The following UNC5D variants were observed in gnomAD, a reference collection of about 807,000 sequenced individuals.
UNC5D encodes netrin receptor UNC5D.
A neutral mutation model predicts 105.4 loss-of-function variants in UNC5D; 39 were observed. That is an observed-to-expected ratio of 0.37 (90% CI 0.29 to 0.48). The LOEUF is 0.48. Among genes scored for constraint, UNC5D ranks in the 20% least tolerant of loss-of-function variants. The probability of loss-of-function intolerance (pLI) is 0.98; values close to 1 mark genes in which losing one functional copy is unlikely to be tolerated. For missense variants in UNC5D, 991 were observed against 1,202.4 expected, an observed-to-expected ratio of 0.82 and a Z score of 2.60; for synonymous variants, 452 against 450.4, an observed-to-expected ratio of 1.00 and a Z score of -0.04.
Position 35,308,112 on chromosome 8 carries a change from A to ATGTGTGTGTGTG in UNC5D, c.103+72228_103+72229insGTGTGTGTGTGT, listed in dbSNP as rs374542443. Among the ~76,000 whole-genome samples the ATGTGTGTGTGTG allele has an allele frequency of 5.7e-4, 84 of 147,774 alleles. 1 individual carries two copies. The highest frequency in any genetic ancestry group is 2.2e-3 in the South Asian group (10 of 4,558). On this transcript the variant is annotated intron_variant, in intron 1 of 16. Coordinates refer to ENST00000404895, the MANE Select transcript of UNC5D (RefSeq NM_080872.4). ...TATTTTAAGCCTTTTCTATGTCACA[A>ATGTGTGTGTGTG]TGTATGTGTGTGTGTGTGTGTGTGT...
At chr8:35,337,895 T>A (rs1245324026) in intron 1 of UNC5D, among the ~76,000 whole-genome samples, 1 of 152,252 alleles carries the variant, frequency 6.6e-6, no homozygotes, top group Non-Finnish European at 1.5e-5. Flanking sequence ...ATTATTTCAC[T>A]TCTGCATTAT....
At chr8:35,267,851 T>C (rs757531881) in intron 1 of UNC5D, among the ~76,000 whole-genome samples, 2 of 152,092 alleles carry the variant, frequency 1.3e-5, no homozygotes, top group Non-Finnish European at 2.9e-5. Flanking sequence ...GAAAGGAAAA[T>C]TGTTCCAGGT....
intron 2 of UNC5D, among the ~76,000 whole-genome samples, chr8:35,558,374 T>G (rs1816706469): frequency 6.6e-6 from 1 of 152,120 alleles, no homozygotes; most frequent in Admixed American, 6.6e-5. Flanking sequence ...TAACACAATG[T>G]TAAGATAAAA....
At chr8:35,555,012 T>C (rs1816435948) in intron 2 of UNC5D, among the ~76,000 whole-genome samples, 1 of 152,190 alleles carries the variant, frequency 6.6e-6, no homozygotes, top group South Asian at 2.1e-4. Flanking sequence ...AGAATGTTGC[T>C]CTGCTGGTAA....
chr8:35,603,058 T>C (rs1384868100), intron 4 of UNC5D, among the ~76,000 whole-genome samples: 1 of 152,134 alleles, frequency 6.6e-6, no homozygotes, highest in East Asian at 1.9e-4. Context: ...AGTTCTGCTC[T>C]GATCTTAGTT....
chr8:35,686,731 C>T, intron 7 of UNC5D, 22 bp downstream of exon 7: 1 of 1,549,424 alleles, frequency 6.5e-7, no homozygotes, highest in East Asian at 2.4e-5. Context: ...GCTTTAACAT[C>T]TTCAGTGTTT....
At chr8:35,345,550 T>G (rs1811745710) in intron 1 of UNC5D, among the ~76,000 whole-genome samples, 1 of 152,046 alleles carries the variant, frequency 6.6e-6, no homozygotes, top group Non-Finnish European at 1.5e-5. Flanking sequence ...GGGATTTCTT[T>G]TATTCACTAA....
intron 3 of UNC5D, among the ~76,000 whole-genome samples, chr8:35,574,007 T>C (rs1817929045): frequency 6.6e-6 from 1 of 152,226 alleles, no homozygotes; most frequent in Non-Finnish European, 1.5e-5. Flanking sequence ...TCCTCTCGTT[T>C]GTCTGGTTCA....
Position 35,687,535 on chromosome 8 carries a change from A to C in UNC5D, c.1084+826A>C, listed in dbSNP as rs370294625. On this transcript the variant is annotated intron_variant, in intron 7 of 16. Coordinates refer to ENST00000404895, the MANE Select transcript of UNC5D (RefSeq NM_080872.4). ...ATCACAGTGGTCTGGCAGAGTAGCA[A>C]GTAGAATGTTTGTTTCAAAATTCCC... Among the ~76,000 whole-genome samples the C allele has an allele frequency of 5.1e-4, 78 of 152,212 alleles. 1 individual carries two copies. The Middle Eastern group carries it at 0.017, about 33-fold the overall frequency.
intron 10 of UNC5D, among the ~76,000 whole-genome samples, chr8:35,730,566 C>A (rs1324002326): frequency 6.6e-6 from 1 of 152,076 alleles, no homozygotes; most frequent in East Asian, 1.9e-4. Context: ...ATCCTGGGTT[C>A]TAGCACAGTA....
intron 11 of UNC5D, among the ~76,000 whole-genome samples, chr8:35,737,875 G>C (rs1036602943): frequency 6.6e-6 from 1 of 152,170 alleles, no homozygotes; most frequent in Non-Finnish European, 1.5e-5. Flanking sequence ...GGGAGGCCGA[G>C]GTGGGTGGAT....
intron 1 of UNC5D, among the ~76,000 whole-genome samples, chr8:35,319,598 A>G (rs1809569021): frequency 6.6e-6 from 1 of 152,142 alleles, no homozygotes; most frequent in Non-Finnish European, 1.5e-5. Context: ...ATTGGTGGTT[A>G]GCAAAGAGAA....
chr8:35,292,860 G>A (rs1373713475), intron 1 of UNC5D, among the ~76,000 whole-genome samples: 3 of 151,706 alleles, frequency 2.0e-5, no homozygotes, highest in Non-Finnish European at 4.4e-5. Flanking sequence ...GGGATTACAG[G>A]CATGTGCCAC....
At chr8:35,464,181 G>A (rs1809123875) in intron 1 of UNC5D, among the ~76,000 whole-genome samples, 1 of 152,066 alleles carries the variant, frequency 6.6e-6, no homozygotes, top group African/African-American at 2.4e-5. Flanking sequence ...ACAAAAATTA[G>A]CCGGGTATGG....
chr8:35,387,320 G>C (rs886357018), intron 1 of UNC5D, among the ~76,000 whole-genome samples: 55 of 142,304 alleles, frequency 3.9e-4, no homozygotes, highest in African/African-American at 1.4e-3. Context: ...TAGAGATCGC[G>C]CCACTGCACT....
chr8:35,383,284 C>G (rs1390162951), intron 1 of UNC5D, among the ~76,000 whole-genome samples: 1 of 152,134 alleles, frequency 6.6e-6, no homozygotes, highest in African/African-American at 2.4e-5. Context: ...GCCATTTCCT[C>G]CATACCCATC....
At chr8:35,438,495 G>A (rs542789262) in intron 1 of UNC5D, among the ~76,000 whole-genome samples, 1 of 151,732 alleles carries the variant, frequency 6.6e-6, no homozygotes, top group Non-Finnish European at 1.5e-5. Flanking sequence ...CTTAAAATCA[G>A]GTCTGTTCTA....
chr8:35,340,934 C>A (rs1811414055), intron 1 of UNC5D, among the ~76,000 whole-genome samples: 1 of 152,202 alleles, frequency 6.6e-6, no homozygotes, highest in Non-Finnish European at 1.5e-5. Context: ...TGAATTTAAT[C>A]TTTCATACTT....
chr8:35,695,795 C>G (rs1474644921), intron 7 of UNC5D, among the ~76,000 whole-genome samples: 1 of 151,590 alleles, frequency 6.6e-6, no homozygotes, highest in Non-Finnish European at 1.5e-5. Context: ...AATGCAGTGG[C>G]ACAATCTTGG....
Sources: allele counts gnomAD v4.1 joint callset (sites outside exome capture counted in the v4.1 genomes callset), GRCh38; gene constraint gnomAD v4.1.1; transcripts MANE v1.5; gene names NCBI Gene and HGNC (gene_info 2026-07-23, HGNC 2026-07-21).